Variants in NALF1 observed in about 807,000 individuals in gnomAD.
NALF1 encodes family with sequence similarity 155 member A.
In NALF1, 3 loss-of-function variants were observed where a neutral mutation model predicts 48.4. That is an observed-to-expected ratio of 0.06 (90% CI 0.03 to 0.16). The LOEUF (loss-of-function observed/expected upper bound fraction) is 0.16. NALF1 is among the 10% of genes least tolerant of loss of function. NALF1 has a pLI of 1.00. For synonymous variants in NALF1, 262 were observed against 245.7 expected, an observed-to-expected ratio of 1.07 and a Z score of -0.62; for missense variants, 526 against 571.5, an observed-to-expected ratio of 0.92 and a Z score of 0.81.
intron 1 of NALF1, among the ~76,000 whole-genome samples, chr13:107,659,518 T>C (rs1425687810): frequency 6.6e-6 from 1 of 152,028 alleles, no homozygotes; most frequent in Admixed American, 6.6e-5. Context: ...GCATCTTTTT[T>C]TTTTTGAAAC....
At chr13:107,587,918 A>G (rs988853712) in intron 1 of NALF1, among the ~76,000 whole-genome samples, 2 of 152,138 alleles carry the variant, frequency 1.3e-5, no homozygotes, top group African/African-American at 4.8e-5. Flanking sequence ...TCTCTTCTGT[A>G]TCTCCAGGAC....
chr13:107,330,554 A>C (rs1254642963), intron 1 of NALF1, among the ~76,000 whole-genome samples: 1 of 152,204 alleles, frequency 6.6e-6, no homozygotes, highest in East Asian at 1.9e-4. Flanking sequence ...GGGACACTGG[A>C]TATTTTGGGG....
intron 1 of NALF1, among the ~76,000 whole-genome samples, chr13:107,502,291 C>T (rs1875550050): frequency 6.6e-6 from 1 of 151,896 alleles, no homozygotes; most frequent in African/African-American, 2.4e-5. Flanking sequence ...ATTTCTGGGC[C>T]CCCCTCCATC....
intron 1 of NALF1, among the ~76,000 whole-genome samples, chr13:107,666,252 G>T (rs767429399): frequency 5.3e-5 from 8 of 152,058 alleles, no homozygotes; most frequent in Non-Finnish European, 8.8e-5. Context: ...CAGGCAAAAT[G>T]TCTTGAGCAT....
At chr13:107,718,682 A>C (rs995371047) in intron 1 of NALF1, among the ~76,000 whole-genome samples, 3 of 152,168 alleles carry the variant, frequency 2.0e-5, no homozygotes, top group Admixed American at 6.5e-5. Flanking sequence ...TGTGATGTAG[A>C]TCCAACTCTG....
At chr13:107,610,669 A>G (rs1390687045) in intron 1 of NALF1, among the ~76,000 whole-genome samples, 1 of 152,230 alleles carries the variant, frequency 6.6e-6, no homozygotes, top group Non-Finnish European at 1.5e-5. Context: ...GTTAAGTTAT[A>G]TGAAAATACT....
chr13:107,346,894 C>T (rs1389064489), intron 1 of NALF1, among the ~76,000 whole-genome samples: 1 of 152,144 alleles, frequency 6.6e-6, no homozygotes, highest in Non-Finnish European at 1.5e-5. Flanking sequence ...AAGACAACTG[C>T]ATATTTTTTC....
At chr13:107,702,728 C>T (rs539910867) in intron 1 of NALF1, among the ~76,000 whole-genome samples, 3 of 152,108 alleles carry the variant, frequency 2.0e-5, no homozygotes, top group East Asian at 1.9e-4. Flanking sequence ...CCCCAGTGTG[C>T]GTTTTTCCCC....
intron 1 of NALF1, among the ~76,000 whole-genome samples, chr13:107,339,628 C>A (rs528262462): frequency 2.5e-4 from 38 of 152,124 alleles, no homozygotes; most frequent in African/African-American, 8.7e-4. Flanking sequence ...ACTGGCACAG[C>A]GTCCCATATG....
chr13:107,214,125 C>T (rs1440591761), intron 1 of NALF1, among the ~76,000 whole-genome samples: 1 of 152,120 alleles, frequency 6.6e-6, no homozygotes, highest in Non-Finnish European at 1.5e-5. Context: ...TGTCAAAACA[C>T]GATGAGGAAG....
chr13:107,623,566 ATG>A (rs1298035065), intron 1 of NALF1, among the ~76,000 whole-genome samples: 2 of 152,306 alleles, frequency 1.3e-5, no homozygotes, highest in Non-Finnish European at 2.9e-5. Context: ...ATATAAGTAA[ATG>A]TGCCACAGGC....
chr13:107,733,828 G>A (rs1199645189), intron 1 of NALF1, among the ~76,000 whole-genome samples: 1 of 152,134 alleles, frequency 6.6e-6, no homozygotes, highest in African/African-American at 2.4e-5. Flanking sequence ...GAAGAGGAAA[G>A]CATAAGAACA....
intron 1 of NALF1, among the ~76,000 whole-genome samples, chr13:107,262,716 A>G (rs1880953392): frequency 1.3e-5 from 2 of 150,740 alleles, no homozygotes; most frequent in South Asian, 4.2e-4. Context: ...CCCCAATATT[A>G]TCAGGGTGAA....
At chr13:107,208,121 G>T (rs143737722) in intron 2 of NALF1, among the ~76,000 whole-genome samples, 1 of 152,178 alleles carries the variant, frequency 6.6e-6, no homozygotes, top group East Asian at 1.9e-4. Context: ...CAGAACTTCA[G>T]GGTGAAATAA....
chr13:107,344,466 TAC>T (rs1401611680), intron 1 of NALF1, among the ~76,000 whole-genome samples: 2 of 152,126 alleles, frequency 1.3e-5, no homozygotes, highest in African/African-American at 4.8e-5. Flanking sequence ...ATTTCAAAAG[TAC>T]ATTAAAAAGA....
intron 2 of NALF1, among the ~76,000 whole-genome samples, chr13:107,178,955 CAA>C (rs546193415): frequency 1.6e-5 from 2 of 125,298 alleles, no homozygotes; most frequent in African/African-American, 5.7e-5. Context: ...AAAAAACAAA[CAA>C]AAAAAAAAAA....
intron 1 of NALF1, among the ~76,000 whole-genome samples, chr13:107,267,277 G>A (rs1881060522): frequency 6.6e-6 from 1 of 152,130 alleles, no homozygotes; most frequent in African/African-American, 2.4e-5. Context: ...TGAGAATGTA[G>A]ATACCACATA....
chr13:107,770,069 C>T (rs928043205), intron 1 of NALF1, among the ~76,000 whole-genome samples: 6 of 152,090 alleles, frequency 3.9e-5, no homozygotes, highest in Admixed American at 2.6e-4. Context: ...CCCGCCACCA[C>T]GCCCGGCTAA....
intron 1 of NALF1, among the ~76,000 whole-genome samples, chr13:107,569,815 C>G (rs562321383): frequency 3.9e-5 from 6 of 152,066 alleles, no homozygotes; most frequent in Admixed American, 6.5e-5. Flanking sequence ...TGCCTTAAAC[C>G]TGTCTATCAA....
Sources: allele counts gnomAD v4.1 joint callset (sites outside exome capture counted in the v4.1 genomes callset), GRCh38; gene constraint gnomAD v4.1.1; transcripts MANE v1.5; gene names NCBI Gene and HGNC (gene_info 2026-07-23, HGNC 2026-07-21).